Variants in RETREG1 observed in about 807,000 individuals in gnomAD.
RETREG1 encodes the protein reticulophagy regulator 1, also known as family with sequence similarity 134 member B.
A neutral mutation model predicts 54.8 loss-of-function variants in RETREG1; 44 were observed. That is an observed-to-expected ratio of 0.80 (90% confidence interval 0.63 to 1.03). The LOEUF is 1.03. RETREG1 is among the 50% of genes least tolerant of loss of function. The pLI is 0.00. For synonymous variants in RETREG1, 217 were observed against 238.5 expected (o/e 0.91, Z 0.83); for missense variants, 554 against 605.1 (o/e 0.92, Z 0.89).
intron 3 of RETREG1, among the ~76,000 whole-genome samples, chr5:16,498,710 T>C (rs1181183783): frequency 6.6e-6 from 1 of 152,150 alleles, no homozygotes; most frequent in Non-Finnish European, 1.5e-5. Flanking sequence ...AGACCCTGTC[T>C]CAAAAAAAGA....
At chr5:16,614,375 C>T (rs912472816) in intron 1 of RETREG1, among the ~76,000 whole-genome samples, 1 of 152,090 alleles carries the variant, frequency 6.6e-6, no homozygotes, top group African/African-American at 2.4e-5. Context: ...TATTTATAAA[C>T]AAACAATGCT....
At chr5:16,601,326 C>T (rs189246318) in intron 1 of RETREG1, among the ~76,000 whole-genome samples, 234 of 151,202 alleles carry the variant, frequency 1.5e-3, no homozygotes, top group African/African-American at 2.9e-3. Flanking sequence ...AGTGTCACAG[C>T]GAGACCCTGT....
chr5:16,582,190 C>T (rs62371267), intron 1 of RETREG1, among the ~76,000 whole-genome samples: 4,814 of 152,192 alleles, frequency 0.032, 106 homozygotes, highest in Non-Finnish European at 0.048. Flanking sequence ...GGTTTAGCTA[C>T]GATTGGAAAG....
chr5:16,575,721 A>G (rs1436369153), intron 1 of RETREG1, among the ~76,000 whole-genome samples: 2 of 152,222 alleles, frequency 1.3e-5, no homozygotes, highest in Non-Finnish European at 1.5e-5. Context: ...TCCTCGGTCC[A>G]CTGAGAAGAC....
chr5:16,521,251 A>G (rs1184032999), intron 3 of RETREG1, among the ~76,000 whole-genome samples: 1 of 151,732 alleles, frequency 6.6e-6, no homozygotes, highest in Non-Finnish European at 1.5e-5. Context: ...CTCCCCTCCC[A>G]TCCTACCTCC....
chr5:16,574,573 T>C (rs138575756), intron 1 of RETREG1, among the ~76,000 whole-genome samples: 1 of 152,290 alleles, frequency 6.6e-6, no homozygotes, highest in East Asian at 1.9e-4. Flanking sequence ...ATGCTGTTTG[T>C]ATGGCCTGGG....
chr5:16,583,548 G>A (rs557646007), intron 1 of RETREG1, among the ~76,000 whole-genome samples: 6 of 151,936 alleles, frequency 3.9e-5, no homozygotes, highest in East Asian at 1.9e-4. Flanking sequence ...TTGACTAGTC[G>A]TGTATCCATT....
chr5:16,575,838 A>T (rs1742303798), intron 1 of RETREG1, among the ~76,000 whole-genome samples: 1 of 152,250 alleles, frequency 6.6e-6, no homozygotes, highest in Non-Finnish European at 1.5e-5. Context: ...CGAAACCCTA[A>T]GAGAATAATC....
intron 1 of RETREG1, among the ~76,000 whole-genome samples, chr5:16,583,577 A>G (rs1008885410): frequency 6.6e-6 from 1 of 152,112 alleles, no homozygotes; most frequent in Non-Finnish European, 1.5e-5. Flanking sequence ...AAAATTTTCC[A>G]TTACTCCATG....
intron 3 of RETREG1, chr5:16,508,678 C>T: frequency 1.2e-6 from 2 of 1,611,186 alleles, no homozygotes; most frequent in Admixed American, 1.7e-5. Flanking sequence ...GCTAATGTGG[C>T]CAAACAATAG....
rs79521246 is a variant in RETREG1, at chr5:16,513,403, C to T, written c.459-29931G>A. On this transcript the variant is annotated intron_variant, in intron 3 of 8. Transcript: ENST00000306320. ...GCAAATGGACACATGTCTTTAGAGC[C>T]GCAACAGCTACAGGGACCAAGGGGA... 6.2e-3 allele frequency among the ~76,000 whole-genome samples: 948 copies of T among 152,268 alleles called. 12 individuals are homozygous for T. The highest frequency in any genetic ancestry group is 0.021 in the African/African-American group (893 of 41,546).
chr5:16,571,808 C>A (rs1742177703), intron 2 of RETREG1, among the ~76,000 whole-genome samples, 188 bp downstream of exon 2: 2 of 152,108 alleles, frequency 1.3e-5, no homozygotes, highest in South Asian at 4.1e-4. Context: ...ACACACAAAC[C>A]TTTTACCTAC....
At chr5:16,506,303 C>T (rs1486751472) in intron 3 of RETREG1, among the ~76,000 whole-genome samples, 1 of 152,200 alleles carries the variant, frequency 6.6e-6, no homozygotes, top group Non-Finnish European at 1.5e-5. Context: ...CAGTGTGAGA[C>T]TCAACTAGAA....
At chr5:16,600,596 C>T (rs1379107442) in intron 1 of RETREG1, among the ~76,000 whole-genome samples, 2 of 152,164 alleles carry the variant, frequency 1.3e-5, no homozygotes, top group Non-Finnish European at 2.9e-5. Context: ...CCCTGCCCCG[C>T]CCCCACAGGA....
chr5:16,480,966 C>T (rs1372920043), intron 5 of RETREG1, 43 bp downstream of exon 5: 2 of 1,299,616 alleles, frequency 1.5e-6, no homozygotes, highest in South Asian at 1.2e-5. Context: ...AAGGTGATAC[C>T]ATATGCATCA....
intron 3 of RETREG1, among the ~76,000 whole-genome samples, chr5:16,515,232 G>T (rs1009791671): frequency 3.3e-5 from 5 of 152,024 alleles, no homozygotes; most frequent in African/African-American, 1.2e-4. Flanking sequence ...CAGTGTAAAA[G>T]GGTTCCTGGA....
chr5:16,524,977 T>C lies in RETREG1; in HGVS notation c.458+40786A>G, dbSNP rs113246155. Among the ~76,000 whole-genome samples, 3 of 42,332 alleles carry C rather than the reference T, an allele frequency of 7.1e-5. 1 individual carries two copies. Among genetic ancestry groups the C allele is most frequent in the South Asian group, 4.8e-4 (1 of 2,082 alleles). 27.8% of individuals were successfully genotyped at this position (42,332 alleles called of 152,430 possible). The stretch of plus-strand genomic sequence containing the variant: ...GCAGGTGGATGTGCATAGGGGACAC[T>C]GTGATGACCTGTGTCCTCCGGTTCC... On this transcript the variant is annotated intron_variant, in intron 3 of 8. Coordinates refer to ENST00000306320, the MANE Select transcript of RETREG1 (RefSeq NM_001034850.3).
At position 16,531,641 on chromosome 5, in the gene RETREG1, CTGT is replaced by C. The variant is rs977425174; in HGVS notation, c.458+34119_458+34121del. 5.9e-4 allele frequency among the ~76,000 whole-genome samples: 90 copies of C among 152,174 alleles called. 1 individual carries two copies. The highest frequency in any genetic ancestry group is 2.0e-3 in the African/African-American group (85 of 41,518). ...AAGGCCTCCCAGGGAAGGGGTGCCTCTGTTAAGTTAAAGGATACCTTGGGCTTG... is the reference window on the plus strand; with the variant it reads ...AAGGCCTCCCAGGGAAGGGGTGCCTCTAAGTTAAAGGATACCTTGGGCTTG... On this transcript the variant is annotated intron_variant, in intron 3 of 8. Transcript: ENST00000306320.
chr5:16,492,984 G>A (rs796351967), intron 3 of RETREG1, among the ~76,000 whole-genome samples: 45 of 152,282 alleles, frequency 3.0e-4, no homozygotes, highest in African/African-American at 9.9e-4. Context: ...CAAGGCCAGG[G>A]ACCAGAAGGC....
Sources: gnomAD v4.1 joint callset for allele counts (sites outside exome capture counted in the v4.1 genomes callset) on GRCh38, gnomAD v4.1.1 for gene constraint, MANE v1.5 for transcripts, NCBI Gene and HGNC (gene_info 2026-07-23, HGNC 2026-07-21) for gene names.